TTC39B: variants seen among roughly 807,000 people sequenced by gnomAD.
TTC39B encodes the protein tetratricopeptide repeat protein 39B.
Under a neutral mutation model 96.6 loss-of-function variants are expected in TTC39B, and 92 were observed. The ratio of observed to expected loss-of-function variants is 0.95; its 90% confidence interval spans 0.80 to 1.13. TTC39B has a LOEUF of 1.13. Ranked by LOEUF, TTC39B falls within the 50% of genes most tolerant of loss-of-function variation. The pLI is 0.00. For missense variants in TTC39B, 955 were observed against 809.3 expected (o/e 1.18, Z -2.18); for synonymous variants, 367 against 299.4 (o/e 1.23, Z -2.33).
chr9:15,215,092 A>C (rs771557045), intron 3 of TTC39B, among the ~76,000 whole-genome samples: 2 of 152,066 alleles, frequency 1.3e-5, no homozygotes, highest in Non-Finnish European at 2.9e-5. Flanking sequence ...CGTCTCTATA[A>C]AAAAGTTTTT....
At chr9:15,270,430 G>C (rs972117758) in intron 1 of TTC39B, among the ~76,000 whole-genome samples, 2 of 151,976 alleles carry the variant, frequency 1.3e-5, no homozygotes, top group African/African-American at 2.4e-5. Flanking sequence ...AGGGTACATG[G>C]ACAGCCCACT....
chr9:15,289,479 C>T (rs1453334670), intron 1 of TTC39B, among the ~76,000 whole-genome samples: 1 of 152,188 alleles, frequency 6.6e-6, no homozygotes, highest in Non-Finnish European at 1.5e-5. Flanking sequence ...CATTAGAATC[C>T]CCATTTGCTT....
chr9:15,187,034 G>A (rs1312659912), exon 15 of TTC39B: 5 of 1,608,806 alleles, frequency 3.1e-6, no homozygotes, highest in Admixed American at 1.7e-5. Context: ...CACATAAGTT[G>A]CCTTGAGAAA....
chr9:15,250,081 C>G, intron 2 of TTC39B: 1 of 1,277,768 alleles, frequency 7.8e-7, no homozygotes, highest in Non-Finnish European at 1.0e-6. Flanking sequence ...TCCTTGGTCT[C>G]CAGTGAGACT....
At chr9:15,206,473 AT>A (rs1476605970) in intron 6 of TTC39B, among the ~76,000 whole-genome samples, 1 of 152,228 alleles carries the variant, frequency 6.6e-6, no homozygotes, top group South Asian at 2.1e-4. Context: ...ATACAGCTTA[AT>A]TTATAAAAGT....
At chr9:15,199,681 G>A (rs1819405702) in intron 8 of TTC39B, among the ~76,000 whole-genome samples, 180 bp downstream of exon 8, 1 of 128,208 alleles carries the variant, frequency 7.8e-6, no homozygotes, top group South Asian at 2.7e-4. Context: ...CTTGCAGTGA[G>A]CCGAGATTGC....
intron 1 of TTC39B, among the ~76,000 whole-genome samples, chr9:15,281,288 A>G (rs1487267983): frequency 1.3e-5 from 2 of 152,184 alleles, no homozygotes; most frequent in Admixed American, 6.5e-5. Context: ...CATCAAACTC[A>G]TGGGGTTGAA....
chr9:15,208,924 A>G (rs1820029920), intron 6 of TTC39B, among the ~76,000 whole-genome samples: 1 of 152,214 alleles, frequency 6.6e-6, no homozygotes, highest in Non-Finnish European at 1.5e-5. Context: ...AACACACTCA[A>G]AAATATGTCT....
In TTC39B at chr9:15,203,907, A is replaced by C. The variant is rs1156875437; in HGVS notation, c.692-17T>G. ...GCATTTCCTCTACAAAAAACAAATA[A>C]AATTATATTAAGTAAAATCACACAT... is the stretch of plus-strand genomic sequence containing the variant. On this transcript the variant is annotated splice_polypyrimidine_tract_variant and intron_variant, in intron 6 of 19. Coordinates refer to ENST00000512701, the Ensembl canonical transcript of TTC39B. 1.2e-6 allele frequency: 2 copies of C among 1,604,052 alleles called. No individual in the cohort carries two copies. The highest frequency in any genetic ancestry group is 1.7e-6 in the Non-Finnish European group (2 of 1,174,312).
chr9:15,175,260 G>T, intron 18 of TTC39B, 125 bp from the exon 19 acceptor site: 1 of 653,232 alleles, frequency 1.5e-6, no homozygotes. Context: ...ATAGAAAGGC[G>T]GCCATTGTAT....
At chr9:15,183,464 C>CAAAAA (rs35283660) in intron 16 of TTC39B, 3 of 259,600 alleles carry the variant, frequency 1.2e-5, no homozygotes, top group South Asian at 3.2e-5. Context: ...TTCCTAGGTA[C>CAAAAA]AAAAAAAAAA....
chr9:15,256,722 C>G (rs1210412136), intron 2 of TTC39B, among the ~76,000 whole-genome samples: 1 of 152,088 alleles, frequency 6.6e-6, no homozygotes. Context: ...CAGCAAAAAG[C>G]CCTCAAAAGA....
chr9:15,252,444 C>CTGGCTAACACGGTGA (rs1204567647), intron 2 of TTC39B, among the ~76,000 whole-genome samples: 1 of 152,088 alleles, frequency 6.6e-6, no homozygotes, highest in African/African-American at 2.4e-5. Flanking sequence ...GTCAGGAGAT[C>CTGGCTAACACGGTGA]AAGACCATCC....
chr9:15,267,858 G>A (rs1823193050), intron 2 of TTC39B, 56 bp downstream of exon 2: 3 of 1,465,704 alleles, frequency 2.0e-6, no homozygotes, highest in Non-Finnish European at 2.8e-6. Context: ...TACTTTTTAT[G>A]TAAGACAACC....
chr9:15,207,715 G>A (rs762005895), intron 6 of TTC39B, among the ~76,000 whole-genome samples: 7 of 152,032 alleles, frequency 4.6e-5, no homozygotes, highest in Non-Finnish European at 1.0e-4. Flanking sequence ...GCTGGGCACG[G>A]TGGCTCACAC....
chr9:15,232,819 C>T (rs66836981), intron 2 of TTC39B, among the ~76,000 whole-genome samples: 27,430 of 152,154 alleles, frequency 0.18, 3,290 homozygotes, highest in East Asian at 0.65. Context: ...ACGTAGCTGG[C>T]TTTTTGGAGA....
At chr9:15,206,300 G>A (rs1044758416) in intron 6 of TTC39B, among the ~76,000 whole-genome samples, 5 of 151,904 alleles carry the variant, frequency 3.3e-5, no homozygotes, top group Admixed American at 1.3e-4. Flanking sequence ...AAAGTTTAAT[G>A]AAATATACTC....
In TTC39B at chr9:15,221,032, T is replaced by C. The variant is rs542753331; in HGVS notation, c.371+4885A>G. 1.6e-4 allele frequency among the ~76,000 whole-genome samples: 24 copies of C among 152,332 alleles called. No individual in the cohort carries two copies. In the South Asian group the frequency reaches 2.1e-3, roughly 13 times the overall value. Reference sequence around the variant, plus strand: ...ATCAGGGCTACGAGCTGCATGCACATATCTGGTGATGACCGCATAGCTAGG... The same window carrying C: ...ATCAGGGCTACGAGCTGCATGCACACATCTGGTGATGACCGCATAGCTAGG... On this transcript the variant is annotated intron_variant, in intron 3 of 19. Transcript: ENST00000512701.
intron 2 of TTC39B, among the ~76,000 whole-genome samples, chr9:15,233,627 G>C (rs980248337): frequency 3.9e-5 from 6 of 152,174 alleles, no homozygotes; most frequent in Non-Finnish European, 7.4e-5. Flanking sequence ...CGAGGTGCCG[G>C]GATTGCAGAC....
Sources: gnomAD v4.1 joint callset for allele counts (sites outside exome capture counted in the v4.1 genomes callset) on GRCh38, gnomAD v4.1.1 for gene constraint, MANE v1.5 for transcripts, NCBI Gene and HGNC (gene_info 2026-07-23, HGNC 2026-07-21) for gene names.